LPP: variants seen among roughly 807,000 people sequenced by gnomAD.
LPP encodes lipoma-preferred partner.
LPP carries 38 observed loss-of-function variants against 60.4 expected under a neutral mutation model. That is an observed-to-expected ratio of 0.63 (90% CI 0.49 to 0.83). The LOEUF (loss-of-function observed/expected upper bound fraction) is 0.83. Ranked by LOEUF, LPP falls within the 40% of genes least tolerant of loss-of-function variation. The probability of loss-of-function intolerance (pLI) is 0.00; values close to 1 mark genes in which losing one functional copy is unlikely to be tolerated. For missense variants in LPP, 902 were observed against 783.6 expected (o/e 1.15, Z -1.80); for synonymous variants, 328 against 290.8 (o/e 1.13, Z -1.30).
chr3:188,738,974 C>A lies in LPP; in HGVS notation c.1241-21139C>A, dbSNP rs568201302. On this transcript the variant is annotated intron_variant, in intron 8 of 11. Coordinates refer to ENST00000617246, the MANE Select transcript of LPP (RefSeq NM_001375462.1). ...CAATTTGAAGTCTTTCTAATATCAG[C>A]CATTAGCTGGGATCCACATGGAGTA... is the stretch of plus-strand genomic sequence containing the variant. 5.9e-5 allele frequency among the ~76,000 whole-genome samples: 9 copies of A among 152,134 alleles called. 1 individual carries two copies. In the South Asian group the frequency reaches 1.9e-3, roughly 32 times the overall value.
chr3:188,608,419 A>G (rs1005928775), intron 6 of LPP, among the ~76,000 whole-genome samples: 2 of 152,114 alleles, frequency 1.3e-5, no homozygotes, highest in Non-Finnish European at 1.5e-5. Context: ...AACATCATCT[A>G]TTGAAGAAAT....
intron 8 of LPP, among the ~76,000 whole-genome samples, chr3:188,758,214 G>T (rs1248929004): frequency 6.6e-6 from 1 of 152,158 alleles, no homozygotes; most frequent in African/African-American, 2.4e-5. Flanking sequence ...CAGCTGGAGT[G>T]CAGTGGCGCC....
intron 7 of LPP, among the ~76,000 whole-genome samples, chr3:188,663,330 G>A (rs186182267): frequency 2.1e-4 from 32 of 152,280 alleles, no homozygotes; most frequent in Non-Finnish European, 3.7e-4. Context: ...ATGGGGGAGT[G>A]TCACATAAAA....
intron 8 of LPP, among the ~76,000 whole-genome samples, chr3:188,740,983 A>G (rs114196277): frequency 0.053 from 8,104 of 152,054 alleles, 282 homozygotes; most frequent in Non-Finnish European, 0.084. Flanking sequence ...ATTTGATAAG[A>G]TATCTGCAAA....
chr3:188,547,073 A>C (rs949012735), intron 6 of LPP, among the ~76,000 whole-genome samples: 2 of 152,192 alleles, frequency 1.3e-5, no homozygotes, highest in Non-Finnish European at 2.9e-5. Flanking sequence ...AAGGTGCTCC[A>C]ATATTCTCCT....
chr3:188,172,678 T>G (rs149002350), intron 1 of LPP, among the ~76,000 whole-genome samples: 21 of 152,336 alleles, frequency 1.4e-4, no homozygotes, highest in African/African-American at 4.8e-4. Flanking sequence ...GTCCTCATTT[T>G]TGATGTCTTA....
intron 7 of LPP, among the ~76,000 whole-genome samples, chr3:188,653,838 T>C (rs1464858748): frequency 6.6e-6 from 1 of 152,212 alleles, no homozygotes; most frequent in African/African-American, 2.4e-5. Flanking sequence ...AGGATCTGCT[T>C]ATGAGTCTTA....
chr3:188,741,386 C>T (rs1345946533), intron 8 of LPP, among the ~76,000 whole-genome samples: 2 of 152,006 alleles, frequency 1.3e-5, no homozygotes, highest in East Asian at 1.9e-4. Context: ...AACTTTGTTC[C>T]TCTTTTCCAA....
chr3:188,624,390 G>A (rs1358264883), intron 7 of LPP, among the ~76,000 whole-genome samples: 8 of 152,182 alleles, frequency 5.3e-5, no homozygotes, highest in Non-Finnish European at 1.0e-4. Context: ...AATCACATTT[G>A]CCATTTATTC....
In LPP at chr3:188,368,719, C is replaced by CACACAGAGAGAG. The variant is rs1257085181; in HGVS notation, c.-10+27001_-10+27002insCACAGAGAGAGA. Among the ~76,000 whole-genome samples the CACACAGAGAGAG allele has an allele frequency of 5.0e-5, 5 of 99,650 alleles. No homozygotes were observed. In the South Asian group the frequency reaches 1.4e-3, roughly 27 times the overall value. The allele number at this position is 99,650 out of a possible 152,430, so 65.4% of individuals were successfully genotyped here. ...ACACACACACACACACACACACACACAGAGAGAGAGAGAGAGAGAGAGAGA... is the reference window on the plus strand; with the variant it reads ...ACACACACACACACACACACACACACACACAGAGAGAGAGAGAGAGAGAGAGAGAGAGAGAGA... On this transcript the variant is annotated intron_variant, in intron 3 of 11. Coordinates refer to ENST00000617246, the MANE Select transcript of LPP (RefSeq NM_001375462.1).
At chr3:188,405,255 C>T (rs528053821) in intron 3 of LPP, among the ~76,000 whole-genome samples, 2 of 152,200 alleles carry the variant, frequency 1.3e-5, no homozygotes, top group Admixed American at 6.5e-5. Flanking sequence ...ACCAGAGCTG[C>T]TCCTGCAGAT....
At position 188,700,859 on chromosome 3, in the gene LPP, T is replaced by C. The variant is rs1043184326; in HGVS notation, c.1114-7408T>C. Among the ~76,000 whole-genome samples, 6 of 152,310 alleles carry C rather than the reference T, an allele frequency of 3.9e-5. No individual in the cohort carries two copies. In the East Asian group the frequency reaches 1.2e-3, roughly 29 times the overall value. Reference sequence around the variant, plus strand: ...ATATCTGTGATTTCACTCTAAAGATTGGTAATGATATGTGTCTTGCATACT... The same window carrying C: ...ATATCTGTGATTTCACTCTAAAGATCGGTAATGATATGTGTCTTGCATACT... On this transcript the variant is annotated intron_variant, in intron 7 of 11. Coordinates refer to ENST00000617246, the MANE Select transcript of LPP (RefSeq NM_001375462.1).
intron 5 of LPP, among the ~76,000 whole-genome samples, chr3:188,491,983 T>TA (rs1171070476): frequency 3.3e-5 from 5 of 152,318 alleles, no homozygotes; most frequent in Non-Finnish European, 5.9e-5. Context: ...CATATACACA[T>TA]ACCCACCTAC....
intron 4 of LPP, among the ~76,000 whole-genome samples, chr3:188,481,015 T>C (rs898016428): frequency 6.6e-6 from 1 of 152,242 alleles, no homozygotes; most frequent in Non-Finnish European, 1.5e-5. Flanking sequence ...TTCTTAAACA[T>C]GATAATTCTG....
chr3:188,669,834 C>T (rs140268473), intron 7 of LPP, among the ~76,000 whole-genome samples: 1 of 152,122 alleles, frequency 6.6e-6, no homozygotes, highest in East Asian at 1.9e-4. Flanking sequence ...TTCACAATAG[C>T]AAAGACTTGG....
chr3:188,369,672 G>A (rs984844311), intron 3 of LPP, among the ~76,000 whole-genome samples: 1 of 152,146 alleles, frequency 6.6e-6, no homozygotes, highest in Non-Finnish European at 1.5e-5. Context: ...CCGTCGATAA[G>A]CTCACTTAAT....
intron 4 of LPP, among the ~76,000 whole-genome samples, chr3:188,451,273 A>G (rs1402214111): frequency 2.6e-5 from 4 of 152,146 alleles, no homozygotes; most frequent in Non-Finnish European, 4.4e-5. Context: ...ACTGGGAAGA[A>G]AAGTGATTTG....
intron 2 of LPP, among the ~76,000 whole-genome samples, chr3:188,276,894 C>CTTTTTTTTTTTTT (rs1203656488): frequency 6.5e-4 from 25 of 38,220 alleles, no homozygotes; most frequent in Non-Finnish European, 9.5e-4. Flanking sequence ...CTTTTCTTTT[C>CTTTTTTTTTTTTT]TTTTTTTTTT....
chr3:188,231,501 G>A (rs562794480), intron 2 of LPP, among the ~76,000 whole-genome samples: 14 of 152,258 alleles, frequency 9.2e-5, no homozygotes, highest in African/African-American at 2.2e-4. Flanking sequence ...AATTCATGCC[G>A]TGTTCCCTTA....
Sources: gnomAD v4.1 joint callset for allele counts (sites outside exome capture counted in the v4.1 genomes callset) on GRCh38, gnomAD v4.1.1 for gene constraint, MANE v1.5 for transcripts, NCBI Gene and HGNC (gene_info 2026-07-23, HGNC 2026-07-21) for gene names.